Variants in TMEM63C observed in about 807,000 individuals in gnomAD.
TMEM63C encodes osmosensitive cation channel TMEM63C.
A neutral mutation model predicts 99.2 loss-of-function variants in TMEM63C; 32 were observed. That is an observed-to-expected ratio of 0.32 (90% confidence interval 0.24 to 0.43). The LOEUF (loss-of-function observed/expected upper bound fraction) is 0.43. TMEM63C is among the 20% of genes least tolerant of loss of function. The probability of loss-of-function intolerance (pLI) is 1.00; values close to 1 mark genes in which losing one functional copy is unlikely to be tolerated. For missense variants in TMEM63C, 826 were observed against 1,053.0 expected (o/e 0.78, Z 2.98); for synonymous variants, 376 against 397.9 (o/e 0.94, Z 0.66).
intron 1 of TMEM63C, among the ~76,000 whole-genome samples, chr14:77,208,976 C>A (rs1394526543): frequency 6.6e-6 from 1 of 151,590 alleles, no homozygotes; most frequent in African/African-American, 2.4e-5. Context: ...GAACTGCAAT[C>A]CTCTCACCCC....
At chr14:77,215,615 A>G (rs1289124017) in intron 2 of TMEM63C, among the ~76,000 whole-genome samples, 1 of 9,376 alleles carries the variant, frequency 1.1e-4, no homozygotes, top group Non-Finnish European at 2.0e-4. Flanking sequence ...AAAAAAAAAA[A>G]AAAGAAAAGA....
At chr14:77,233,620 C>A in intron 8 of TMEM63C, 120 bp downstream of exon 8, 2 of 1,061,134 alleles carry the variant, frequency 1.9e-6, no homozygotes, top group Non-Finnish European at 1.4e-6. Flanking sequence ...CCTGGTTTCC[C>A]TGGGAATCGG....
chr14:77,194,085 G>GTTGA (rs1261294853), intron 1 of TMEM63C, among the ~76,000 whole-genome samples: 1 of 152,166 alleles, frequency 6.6e-6, no homozygotes, highest in Non-Finnish European at 1.5e-5. Context: ...AAACAAAGAT[G>GTTGA]TTGATTACAG....
intron 5 of TMEM63C, among the ~76,000 whole-genome samples, chr14:77,221,986 A>G (rs2140111957): frequency 6.6e-6 from 1 of 151,962 alleles, no homozygotes; most frequent in African/African-American, 2.4e-5. Flanking sequence ...CCCCCCAACC[A>G]GCTGATCCCA....
At chr14:77,204,423 G>A (rs1888361195) in intron 1 of TMEM63C, among the ~76,000 whole-genome samples, 1 of 152,154 alleles carries the variant, frequency 6.6e-6, no homozygotes, top group East Asian at 1.9e-4. Context: ...TGGAAGGAGG[G>A]CTTAAGTTAG....
chr14:77,247,103 C>T (rs966946449), intron 18 of TMEM63C, among the ~76,000 whole-genome samples: 6 of 152,150 alleles, frequency 3.9e-5, no homozygotes, highest in African/African-American at 1.4e-4. Context: ...GCACAAAATA[C>T]ATGGATTACA....
chr14:77,204,064 G>A (rs1169265117), intron 1 of TMEM63C, among the ~76,000 whole-genome samples: 1 of 152,236 alleles, frequency 6.6e-6, no homozygotes. Flanking sequence ...TAGCCCAGGG[G>A]CCCTGCAAAA....
intron 1 of TMEM63C, among the ~76,000 whole-genome samples, chr14:77,191,538 CTTTTTTTTTTT>C (rs71125542): frequency 0.036 from 2,955 of 82,780 alleles, 91 homozygotes; most frequent in East Asian, 0.17. Flanking sequence ...TTTTCTTTTT[CTTTTTTTTTTT>C]TTTTTTTTTT....
intron 10 of TMEM63C, 103 bp downstream of exon 10, chr14:77,238,870 A>T: frequency 1.1e-6 from 1 of 925,484 alleles, no homozygotes; most frequent in Admixed American, 2.0e-5. Context: ...TGGGACTGGG[A>T]CACCCCGGGG....
intron 1 of TMEM63C, among the ~76,000 whole-genome samples, chr14:77,203,716 C>T (rs528102159): frequency 6.6e-6 from 1 of 152,392 alleles, no homozygotes; most frequent in South Asian, 2.1e-4. Flanking sequence ...GTGTTCAGTG[C>T]AGGGTGGCTC....
At position 77,225,126 on chromosome 14, in the gene TMEM63C, C is replaced by T. The variant is rs189053112; in HGVS notation, c.313-298C>T. The stretch of plus-strand genomic sequence containing the variant: ...TCCAGAAGGAAGCATGAAGGACAGA[C>T]AGAGAGCAACAGACGTTCACCCCAG... On this transcript the variant is annotated intron_variant, in intron 5 of 23. Coordinates refer to ENST00000298351, the MANE Select transcript of TMEM63C (RefSeq NM_020431.4). Among the ~76,000 whole-genome samples, 37 of 152,326 alleles carry T rather than the reference C, an allele frequency of 2.4e-4. No individual in the cohort carries two copies. The East Asian group carries it at 6.4e-3, about 26-fold the overall frequency.
intron 1 of TMEM63C, among the ~76,000 whole-genome samples, chr14:77,206,480 C>G (rs1888404738): frequency 6.6e-6 from 1 of 152,358 alleles, no homozygotes; most frequent in African/African-American, 2.4e-5. Context: ...GATGCACCAC[C>G]TTGGCTTCTT....
intron 6 of TMEM63C, among the ~76,000 whole-genome samples, chr14:77,228,098 G>T (rs185798076): frequency 6.6e-6 from 1 of 152,306 alleles, no homozygotes; most frequent in East Asian, 1.9e-4. Context: ...TCTTCAGAAA[G>T]AGGTGGAAGG....
At chr14:77,255,087 T>C (rs1889439163) in intron 23 of TMEM63C, among the ~76,000 whole-genome samples, 1 of 152,156 alleles carries the variant, frequency 6.6e-6, no homozygotes, top group Non-Finnish European at 1.5e-5. Flanking sequence ...ATCTCCTGGG[T>C]TAAAGCAATT....
chr14:77,249,420 G>A lies in TMEM63C; in HGVS notation c.2000G>A (p.Gly667Asp), dbSNP rs762203000. 4.3e-6 allele frequency: 7 copies of A among 1,614,040 alleles called. No individual in the cohort carries two copies. In the South Asian group the frequency reaches 4.4e-5, roughly 10 times the overall value. Reference sequence around the variant, plus strand: ...CAGGCCATCTTTGCGCCACTCTTGGGTCTGTTCTGGATGCTGTTCTTCTCC... The same window carrying A: ...CAGGCCATCTTTGCGCCACTCTTGGATCTGTTCTGGATGCTGTTCTTCTCC... ...VSQAIFAPLL[G>D]LFWMLFFSIL... The change falls in exon 21 of 24, where the codon GGT becomes GAT. Residue 667 changes from glycine (G) to aspartate (D), a missense_variant. Gly to Asp is a moderately conservative substitution (Grantham distance 94, BLOSUM62 -1). Transcript: ENST00000298351.
intron 1 of TMEM63C, among the ~76,000 whole-genome samples, chr14:77,207,434 G>T (rs928207854): frequency 6.6e-6 from 1 of 152,146 alleles, no homozygotes; most frequent in Non-Finnish European, 1.5e-5. Context: ...GAGTCCCTTA[G>T]ATGTAGTACA....
At chr14:77,209,731 C>G (rs1381991654) in intron 1 of TMEM63C, among the ~76,000 whole-genome samples, 2 of 152,104 alleles carry the variant, frequency 1.3e-5, no homozygotes, top group Admixed American at 6.5e-5. Flanking sequence ...AAGGCTCACC[C>G]AAGTCCAGGA....
intron 2 of TMEM63C, among the ~76,000 whole-genome samples, chr14:77,215,853 C>A (rs1411961065): frequency 6.6e-6 from 1 of 152,144 alleles, no homozygotes; most frequent in African/African-American, 2.4e-5. Flanking sequence ...CTGAATCATT[C>A]CCACCACTAT....
intron 21 of TMEM63C, 128 bp from the exon 22 acceptor site, chr14:77,251,661 G>A (rs1889361902): frequency 1.4e-6 from 1 of 695,636 alleles, no homozygotes; most frequent in East Asian, 2.5e-5. Flanking sequence ...GATGCCAGTT[G>A]TTATCAGAGG....
Sources: allele counts gnomAD v4.1 joint callset (sites outside exome capture counted in the v4.1 genomes callset), GRCh38; gene constraint gnomAD v4.1.1; transcripts MANE v1.5; gene names NCBI Gene and HGNC (gene_info 2026-07-23, HGNC 2026-07-21).